Variants in PDS5A observed in about 807,000 individuals in gnomAD.
The protein encoded by PDS5A is sister chromatid cohesion protein PDS5 homolog A.
In PDS5A, 42 loss-of-function variants were observed where a neutral mutation model predicts 167.1. The observed-to-expected ratio is 0.25, with a 90% CI of 0.20 to 0.33. PDS5A has a LOEUF of 0.33. Ranked by LOEUF, PDS5A falls within the 10% of genes least tolerant of loss-of-function variation. The pLI is 1.00. For missense variants in PDS5A, 1,033 were observed against 1,605.9 expected (o/e 0.64, Z 6.10); for synonymous variants, 553 against 554.6 (o/e 1.00, Z 0.04).
chr4:39,855,503 T>G (rs147846394), intron 26 of PDS5A, among the ~76,000 whole-genome samples: 2,720 of 152,254 alleles, frequency 0.018, 27 homozygotes, highest in Non-Finnish European at 0.03. Flanking sequence ...AATTAGGAAT[T>G]AACCCTGAGG....
intron 30 of PDS5A, among the ~76,000 whole-genome samples, chr4:39,842,927 A>ATATATATATATATATATATATATG (rs1717186078): frequency 1.5e-5 from 2 of 135,702 alleles, no homozygotes; most frequent in Admixed American, 1.5e-4. Flanking sequence ...ATATATATAT[A>ATATATATATATATATATATATATG]TATATATATA....
intron 26 of PDS5A, among the ~76,000 whole-genome samples, chr4:39,857,804 T>C (rs1377742040): frequency 6.6e-6 from 1 of 152,142 alleles, no homozygotes; most frequent in Non-Finnish European, 1.5e-5. Flanking sequence ...TAATAAGAAC[T>C]GGAGACACCA....
chr4:39,906,917 T>TAAAAAAAA (rs1191690836), intron 11 of PDS5A, among the ~76,000 whole-genome samples: 15 of 53,952 alleles, frequency 2.8e-4, no homozygotes, highest in African/African-American at 6.2e-4. Context: ...ATTTCTTACA[T>TAAAAAAAA]AAAAAAAAAA....
intron 32 of PDS5A, among the ~76,000 whole-genome samples, chr4:39,829,316 G>C (rs1715598845): frequency 6.6e-6 from 1 of 152,122 alleles, no homozygotes; most frequent in Non-Finnish European, 1.5e-5. Flanking sequence ...AAAATAGTTG[G>C]CACTTTCAGG....
At chr4:39,831,790 T>C (rs1477096940) in intron 32 of PDS5A, among the ~76,000 whole-genome samples, 1 of 140,492 alleles carries the variant, frequency 7.1e-6, no homozygotes, top group African/African-American at 2.7e-5. Flanking sequence ...GGCAGGAGAA[T>C]TGCTTGGACT....
At chr4:39,956,499 A>C (rs986928257) in intron 2 of PDS5A, among the ~76,000 whole-genome samples, 3 of 151,858 alleles carry the variant, frequency 2.0e-5, no homozygotes, top group Non-Finnish European at 2.9e-5. Flanking sequence ...TCAAAAAAAA[A>C]AAAAAAAAAA....
chr4:39,845,848 T>C lies in PDS5A; in HGVS notation c.3372A>G (p.Glu1124=). Residue 1124 remains glutamate, a synonymous_variant, in exon 29 of 33, where the codon GAA becomes GAG. Transcript: ENST00000303538. Reference sequence around the variant, plus strand: ...CTGTTAACAGAAGTACTCTTGTCTCTTCTGAAATATAACTCTTATCGTTAC... The same window carrying C: ...CTGTTAACAGAAGTACTCTTGTCTCCTCTGAAATATAACTCTTATCGTTAC... ...DFCNDKSYIS[E]ETRVLLLTGK... The C allele has an allele frequency of 2.1e-6, 3 of 1,399,558 alleles. No individual in the cohort carries two copies. Among genetic ancestry groups the C allele is most frequent in the Non-Finnish European group, 2.8e-6 (3 of 1,069,506 alleles). The allele number at this position is 1,399,558 out of a possible 1,614,324, so 86.7% of individuals were successfully genotyped here.
At chr4:39,829,362 C>T (rs1715603181) in intron 32 of PDS5A, among the ~76,000 whole-genome samples, 1 of 152,080 alleles carries the variant, frequency 6.6e-6, no homozygotes, top group African/African-American at 2.4e-5. Flanking sequence ...GTCAAAACAT[C>T]AGCTGAGGCC....
intron 17 of PDS5A, among the ~76,000 whole-genome samples, chr4:39,885,263 AAAG>A (rs1445355096): frequency 2.0e-5 from 3 of 150,462 alleles, no homozygotes; most frequent in Non-Finnish European, 3.0e-5. Flanking sequence ...AAAAAAAAAA[AAAG>A]AAAGGAAAAG....
chr4:39,906,699 T>C (rs988735121), intron 11 of PDS5A, among the ~76,000 whole-genome samples: 1 of 151,722 alleles, frequency 6.6e-6, no homozygotes, highest in Admixed American at 6.6e-5. Flanking sequence ...AGAGGATCAC[T>C]TGAATCCAAG....
intron 16 of PDS5A, 133 bp downstream of exon 16, chr4:39,898,256 T>TA: frequency 7.5e-7 from 1 of 1,333,054 alleles, no homozygotes; most frequent in Non-Finnish European, 9.6e-7. Flanking sequence ...TGACAATAGA[T>TA]ATACTCCAAA....
At chr4:39,918,373 T>C (rs1724600178) in intron 7 of PDS5A, among the ~76,000 whole-genome samples, 1 of 151,610 alleles carries the variant, frequency 6.6e-6, no homozygotes, top group Non-Finnish European at 1.5e-5. Context: ...TTTTAAATGC[T>C]AGACAGAAAT....
chr4:39,966,221 T>G (rs948641101), intron 2 of PDS5A, among the ~76,000 whole-genome samples: 1 of 152,230 alleles, frequency 6.6e-6, no homozygotes, highest in Non-Finnish European at 1.5e-5. Context: ...TATACTTAAT[T>G]ACATGCAAAA....
rs557233179 is a variant in PDS5A, at chr4:39,905,102, C to T, written c.1234-911G>A. Among the ~76,000 whole-genome samples the T allele has an allele frequency of 3.9e-5, 6 of 152,124 alleles. No individual in the cohort carries two copies. In the South Asian group the frequency reaches 1.2e-3, roughly 32 times the overall value. ...TCGCTTGAGCTCAGGACTTGGGGAA[C>T]TGACTACCCAGTGAATCTAAAATCC... On this transcript the variant is annotated intron_variant, in intron 11 of 32. Coordinates refer to ENST00000303538, the MANE Select transcript of PDS5A (RefSeq NM_001100399.2).
At chr4:39,841,910 C>A in intron 31 of PDS5A, 38 bp downstream of exon 31, 2 of 1,097,980 alleles carry the variant, frequency 1.8e-6, no homozygotes, top group Non-Finnish European at 2.8e-6. Flanking sequence ...GTAATAATCT[C>A]CATGGAAAAA....
At chr4:39,903,321 G>C (rs1251107970) in intron 12 of PDS5A, among the ~76,000 whole-genome samples, 1 of 152,102 alleles carries the variant, frequency 6.6e-6, no homozygotes. Context: ...TATCCTTCTT[G>C]CTAGTACCTA....
At chr4:39,950,679 A>G (rs1728265032) in intron 2 of PDS5A, among the ~76,000 whole-genome samples, 1 of 151,576 alleles carries the variant, frequency 6.6e-6, no homozygotes, top group African/African-American at 2.4e-5. Flanking sequence ...CTACCAGGTC[A>G]TGGGTTCAAA....
intron 2 of PDS5A, among the ~76,000 whole-genome samples, chr4:39,952,970 C>T (rs1365624048): frequency 1.3e-5 from 2 of 152,206 alleles, no homozygotes; most frequent in Non-Finnish European, 2.9e-5. Flanking sequence ...TTTAGGTTAT[C>T]TGCCAGCCTT....
At chr4:39,896,779 A>T (rs964690819) in intron 16 of PDS5A, among the ~76,000 whole-genome samples, 65 of 149,780 alleles carry the variant, frequency 4.3e-4, no homozygotes, top group Non-Finnish European at 2.4e-4. Context: ...AAAAAAAAAG[A>T]AAGTTTTAAA....
Sources: gnomAD v4.1 joint callset for allele counts (sites outside exome capture counted in the v4.1 genomes callset) on GRCh38, gnomAD v4.1.1 for gene constraint, MANE v1.5 for transcripts, NCBI Gene and HGNC (gene_info 2026-07-23, HGNC 2026-07-21) for gene names.